FAM117A: variants seen among roughly 807,000 people sequenced by gnomAD.
FAM117A encodes protein FAM117A.
In FAM117A, 21 loss-of-function variants were observed where a neutral mutation model predicts 44.1. That is an observed-to-expected ratio of 0.48 (90% CI 0.34 to 0.69). The LOEUF is 0.69. FAM117A is among the 30% of genes least tolerant of loss of function. The pLI is 0.01. For synonymous variants in FAM117A, 220 were observed against 238.3 expected, an observed-to-expected ratio of 0.92 and a Z score of 0.71; for missense variants, 498 against 589.9, an observed-to-expected ratio of 0.84 and a Z score of 1.61.
chr17:49,757,649 A>G (rs935412526), intron 1 of FAM117A, among the ~76,000 whole-genome samples: 2 of 152,222 alleles, frequency 1.3e-5, no homozygotes, highest in Non-Finnish European at 2.9e-5. Flanking sequence ...ACTGGAGAAA[A>G]TGGGGGCACA....
upstream of FAM117A, chr17:49,789,041 A>G (rs150973346): frequency 6.7e-6 from 3 of 447,568 alleles, no homozygotes; most frequent in South Asian, 6.2e-5. Flanking sequence ...TATGCTTGCA[A>G]CTATTCCCGC....
chr17:49,768,934 C>T (rs1255519536), upstream of FAM117A, among the ~76,000 whole-genome samples: 3 of 152,206 alleles, frequency 2.0e-5, no homozygotes, highest in Admixed American at 6.5e-5. Flanking sequence ...GGCTGACATT[C>T]ACCCCTTCAG....
At chr17:49,750,659 T>G (rs1487224144) in intron 1 of FAM117A, among the ~76,000 whole-genome samples, 1 of 151,992 alleles carries the variant, frequency 6.6e-6, no homozygotes, top group Non-Finnish European at 1.5e-5. Flanking sequence ...CACCTGTAAT[T>G]CAGCTACTTG....
At chr17:49,747,572 C>A (rs372305460) in intron 1 of FAM117A, among the ~76,000 whole-genome samples, 12 of 152,188 alleles carry the variant, frequency 7.9e-5, no homozygotes, top group African/African-American at 2.2e-4. Flanking sequence ...CTTCTCTACC[C>A]CCCGCATCCT....
At chr17:49,781,747 C>T (rs1034791423) in intron 1 of FAM117A, among the ~76,000 whole-genome samples, 2 of 152,060 alleles carry the variant, frequency 1.3e-5, no homozygotes, top group South Asian at 4.1e-4. Flanking sequence ...GAGGCTGGGG[C>T]AGGAGGATCC....
At chr17:49,731,204 C>T in intron 2 of FAM117A, among the ~76,000 whole-genome samples, 1 of 152,208 alleles carries the variant, frequency 6.6e-6, no homozygotes, top group Non-Finnish European at 1.5e-5. Flanking sequence ...AGAGGCAGAC[C>T]ACGCACTCTC....
At chr17:49,759,603 G>C (rs61325138) in intron 1 of FAM117A, among the ~76,000 whole-genome samples, 1 of 152,316 alleles carries the variant, frequency 6.6e-6, no homozygotes, top group East Asian at 1.9e-4. Context: ...TCTCCAGGCT[G>C]TTTCTGGCAC....
chr17:49,779,630 G>C (rs1434366681), intron 1 of FAM117A, among the ~76,000 whole-genome samples: 2 of 152,198 alleles, frequency 1.3e-5, no homozygotes, highest in Non-Finnish European at 2.9e-5. Context: ...CAGCAGCTGT[G>C]CTCCCCACCC....
chr17:49,747,594 G>A (rs1340705435), intron 1 of FAM117A, among the ~76,000 whole-genome samples: 1 of 152,164 alleles, frequency 6.6e-6, no homozygotes, highest in Non-Finnish European at 1.5e-5. Context: ...GAAAATCTGT[G>A]TGAACCATCT....
chr17:49,732,826 T>C, intron 1 of FAM117A, 106 bp from the exon 2 acceptor site: 1 of 1,199,518 alleles, frequency 8.3e-7, no homozygotes, highest in Non-Finnish European at 1.2e-6. Flanking sequence ...CCGTCTTCAC[T>C]CATATCCACC....
intron 1 of FAM117A, 37 bp downstream of exon 1, chr17:49,763,855 G>T: frequency 4.3e-6 from 3 of 703,886 alleles, no homozygotes; most frequent in Non-Finnish European, 5.2e-6. Context: ...CTCCCCCAAT[G>T]GCTCCTTCCA....
intron 2 of FAM117A, chr17:49,724,277 C>CG (rs1415811570): frequency 2.2e-6 from 1 of 450,122 alleles, no homozygotes; most frequent in Admixed American, 2.4e-5. Flanking sequence ...AGCTGGGCCC[C>CG]GCACCCCCCA....
intron 1 of FAM117A, among the ~76,000 whole-genome samples, chr17:49,754,746 C>G (rs922695239): frequency 6.6e-6 from 1 of 152,042 alleles, no homozygotes; most frequent in African/African-American, 2.4e-5. Flanking sequence ...CAGGTTAAAA[C>G]AGCCGTTTTC....
chr17:49,777,947 A>G (rs1169555242), intron 1 of FAM117A, among the ~76,000 whole-genome samples: 1 of 152,224 alleles, frequency 6.6e-6, no homozygotes, highest in East Asian at 1.9e-4. Flanking sequence ...AGGCACTGGG[A>G]TAGGGTGAGA....
At chr17:49,732,517 T>C in intron 2 of FAM117A, 34 bp downstream of exon 2, 1 of 1,609,946 alleles carries the variant, frequency 6.2e-7, no homozygotes, top group South Asian at 1.1e-5. Flanking sequence ...GCCCCATCCT[T>C]ATCCCTTATC....
At chr17:49,776,038 A>T (rs2073774706) in intron 1 of FAM117A, among the ~76,000 whole-genome samples, 1 of 152,020 alleles carries the variant, frequency 6.6e-6, no homozygotes. Flanking sequence ...CCCTCCCTTC[A>T]TACGCCTGTG....
chr17:49,754,797 G>C (rs2073691680), intron 1 of FAM117A, among the ~76,000 whole-genome samples: 1 of 151,950 alleles, frequency 6.6e-6, no homozygotes, highest in African/African-American at 2.4e-5. Flanking sequence ...CCAGCCCTTT[G>C]GGAGGCCAAG....
intron 1 of FAM117A, among the ~76,000 whole-genome samples, chr17:49,782,481 C>T (rs1399342704): frequency 1.3e-5 from 2 of 149,972 alleles, no homozygotes; most frequent in Non-Finnish European, 1.5e-5. Flanking sequence ...CTTGAGACCA[C>T]GAGTTTGAGA....
chr17:49,763,600 G>A (rs2073732092), intron 1 of FAM117A, among the ~76,000 whole-genome samples: 2 of 140,684 alleles, frequency 1.4e-5, no homozygotes, highest in Non-Finnish European at 3.1e-5. Context: ...CACCCCACAC[G>A]ACACCTCTGC....
Sources: gnomAD v4.1 joint callset for allele counts (sites outside exome capture counted in the v4.1 genomes callset) on GRCh38, gnomAD v4.1.1 for gene constraint, MANE v1.5 for transcripts, NCBI Gene and HGNC (gene_info 2026-07-23, HGNC 2026-07-21) for gene names.